Variants in KCNC4 observed in about 807,000 individuals in gnomAD.
KCNC4 encodes the protein potassium voltage-gated channel subfamily C member 4, also known as voltage-gated potassium channel KCNC4.
A neutral mutation model predicts 42.8 loss-of-function variants in KCNC4; 23 were observed. The ratio of observed to expected loss-of-function variants is 0.54; its 90% CI spans 0.39 to 0.76. KCNC4 has a LOEUF of 0.76. KCNC4 is among the 30% of genes least tolerant of loss of function. KCNC4 has a pLI of 0.00. For synonymous variants in KCNC4, 422 were observed against 393.5 expected (o/e 1.07, Z -0.86); for missense variants, 751 against 898.2 (o/e 0.84, Z 2.10).
At chr1:110,248,410 G>A (rs1365696073) in exon 4 of KCNC4, 2 of 151,406 alleles carry the variant, frequency 1.3e-5, no homozygotes, top group Non-Finnish European at 2.9e-5. Context: ...GGCTCAAAGT[G>A]TGAAGTTACA....
chr1:110,275,793 C>G (rs978446233), intron 1 of KCNC4, among the ~76,000 whole-genome samples: 1 of 151,780 alleles, frequency 6.6e-6, no homozygotes, highest in Non-Finnish European at 1.5e-5. Context: ...CCCGTCTCTA[C>G]TAAAAATACA....
intron 2 of KCNC4, 45 bp from the exon 3 acceptor site, chr1:110,225,930 T>G: frequency 6.6e-7 from 1 of 1,522,474 alleles, no homozygotes; most frequent in South Asian, 1.3e-5. Context: ...TGAGCAAGGC[T>G]CAGGTCGCCC....
intron 1 of KCNC4, among the ~76,000 whole-genome samples, chr1:110,264,107 C>A (rs748115059): frequency 1.3e-5 from 2 of 152,132 alleles, no homozygotes; most frequent in Non-Finnish European, 2.9e-5. Flanking sequence ...ATGAAAGAAA[C>A]CGAGGCATTT....
intron 3 of KCNC4, chr1:110,228,857 A>G (rs1482954815): frequency 3.3e-5 from 5 of 152,270 alleles, no homozygotes; most frequent in Admixed American, 3.3e-4. Flanking sequence ...CATAGCTCCA[A>G]GCTTCCCAAA....
rs1343543497 is a variant in KCNC4 at position 110,259,241 on chromosome 1, C to A, written n.31-23293C>A. On this transcript the variant is annotated intron_variant and non_coding_transcript_variant, in intron 1 of 2. Coordinates refer to the KCNC4 transcript ENST00000412512. ...AGGCCAGCTCAGCATGTGACTAGGG[C>A]ACACGGGGAACCCACCGGAACACTT... Among the ~76,000 whole-genome samples the A allele has an allele frequency of 4.6e-5, 7 of 152,266 alleles. No individual in the cohort carries two copies. The East Asian group carries it at 1.4e-3, about 30-fold the overall frequency.
chr1:110,215,537 A>G (rs1315350908), intron 1 of KCNC4, among the ~76,000 whole-genome samples: 2 of 152,220 alleles, frequency 1.3e-5, no homozygotes, highest in South Asian at 2.1e-4. Context: ...TAGCTCAGCT[A>G]TCAGCCTTAT....
chr1:110,216,016 C>T (rs576658535), intron 1 of KCNC4, among the ~76,000 whole-genome samples: 1 of 152,340 alleles, frequency 6.6e-6, no homozygotes, highest in South Asian at 2.1e-4. Context: ...CAAGGATAAC[C>T]TCTCTTCTCA....
At chr1:110,222,689 G>A in intron 1 of KCNC4, 1 of 426,394 alleles carries the variant, frequency 2.3e-6, no homozygotes, top group East Asian at 3.9e-5. Flanking sequence ...GCTATCAAAG[G>A]CAGGTCTAGC....
downstream of KCNC4, among the ~76,000 whole-genome samples, chr1:110,252,143 C>T (rs1341736846): frequency 6.6e-6 from 1 of 152,198 alleles, no homozygotes; most frequent in Non-Finnish European, 1.5e-5. Context: ...AAGCCTGGAG[C>T]TTGAGTTCAT....
Position 110,226,051 on chromosome 1 carries a change from C to T in KCNC4, c.1692C>T (p.Ser564=). Residue 564 remains serine, a synonymous_variant, in exon 3 of 4, where the codon TCC becomes TCT. Coordinates refer to ENST00000438661, the MANE Select transcript of KCNC4 (RefSeq NM_001039574.3). ...EGAGLTQPLA[S]SPTPEERRAL... is the part of the protein sequence containing the mutation. ...CTGGCCTCACCCAACCCCTGGCCTC[C>T]TCCCCGACCCCCGAGGAGCGCCGGG... The T allele has an allele frequency of 6.2e-7, 1 of 1,614,054 alleles. No homozygotes were observed. Among genetic ancestry groups the T allele is most frequent in the African/African-American group, 1.3e-5 (1 of 75,044 alleles).
intron 1 of KCNC4, among the ~76,000 whole-genome samples, chr1:110,257,245 A>C (rs1432012818): frequency 6.6e-6 from 1 of 152,232 alleles, no homozygotes; most frequent in Non-Finnish European, 1.5e-5. Flanking sequence ...TTGACTCTTC[A>C]ATTGAATTAC....
chr1:110,283,330 C>A (rs1659861573), downstream of KCNC4, among the ~76,000 whole-genome samples: 1 of 152,138 alleles, frequency 6.6e-6, no homozygotes, highest in African/African-American at 2.4e-5. Flanking sequence ...AACCATAGCA[C>A]TAAGGAGCCC....
chr1:110,239,994 A>G (rs940208888), exon 4 of KCNC4: 3 of 151,850 alleles, frequency 2.0e-5, no homozygotes, highest in African/African-American at 7.3e-5. Context: ...AATGAAGGAT[A>G]TGGTGAGAAA....
At chr1:110,232,740 G>A (rs908525231) in intron 3 of KCNC4, 171 bp from the exon 4 acceptor site, 1 of 1,529,054 alleles carries the variant, frequency 6.5e-7, no homozygotes, top group African/African-American at 1.4e-5. Flanking sequence ...CTCTGCTCCT[G>A]GTCTACTCCT....
downstream of KCNC4, chr1:110,249,273 C>G (rs894020866): frequency 3.9e-5 from 6 of 152,234 alleles, no homozygotes; most frequent in African/African-American, 1.4e-4. Context: ...TCTTTCGGTC[C>G]TGCATCCTGG....
At chr1:110,225,890 CTCTGGGT>C in intron 2 of KCNC4, 78 bp from the exon 3 acceptor site, 2 of 1,289,154 alleles carry the variant, frequency 1.6e-6, no homozygotes, top group South Asian at 2.8e-5. Context: ...GGAAGTAACA[CTCTGGGT>C]CTGGGAGACC....
rs1005621175 is a variant in KCNC4, at chr1:110,233,163, A to G, written c.*191A>G. 36 of 638,758 alleles carry G rather than the reference A, an allele frequency of 5.6e-5. No homozygotes were observed. Among genetic ancestry groups the G allele is most frequent in the Admixed American group, 1.4e-4 (5 of 36,162 alleles). The allele number at this position is 638,758 out of a possible 1,614,324, so 39.6% of individuals were successfully genotyped here. ...TGGGTCTGATGTTCTGTTCCATTGT[A>G]CATCGAAGAGATATATATGCACATA... On this transcript the variant is annotated 3_prime_UTR_variant, in exon 4 of 4. Coordinates refer to ENST00000438661, the MANE Select transcript of KCNC4 (RefSeq NM_001039574.3).
rs537202627 is a variant in KCNC4 at position 110,256,416 on chromosome 1, G to A, written n.31-26118G>A. Among the ~76,000 whole-genome samples the A allele has an allele frequency of 7.2e-5, 11 of 152,254 alleles. No individual in the cohort carries two copies. The South Asian group carries it at 1.7e-3, about 23-fold the overall frequency. On this transcript the variant is annotated intron_variant and non_coding_transcript_variant, in intron 1 of 2. Coordinates refer to the KCNC4 transcript ENST00000412512. ...TTCAGAGAAAATAAACTGAGGCCCC[G>A]AAAGAACACATAACTTGGTCACTCA...
At chr1:110,225,593 GA>G in intron 2 of KCNC4, 1 of 181,308 alleles carries the variant, frequency 5.5e-6, no homozygotes, top group East Asian at 1.4e-4. Context: ...TTCTCCACGG[GA>G]AAGCAGACTC....
Sources: gnomAD v4.1 joint callset for allele counts (sites outside exome capture counted in the v4.1 genomes callset) on GRCh38, gnomAD v4.1.1 for gene constraint, MANE v1.5 for transcripts, NCBI Gene and HGNC (gene_info 2026-07-23, HGNC 2026-07-21) for gene names.